FBXL17: variants seen among roughly 807,000 people sequenced by gnomAD.
FBXL17 encodes the protein F-box/LRR-repeat protein 17.
Under a neutral mutation model 66.2 loss-of-function variants are expected in FBXL17, and 22 were observed. The ratio of observed to expected loss-of-function variants is 0.33; its 90% CI spans 0.24 to 0.47. The LOEUF is 0.47. Ranked by LOEUF, FBXL17 falls within the 20% of genes least tolerant of loss-of-function variation. FBXL17 has a pLI of 1.00. For synonymous variants in FBXL17, 474 were observed against 400.5 expected (o/e 1.18, Z -2.19); for missense variants, 878 against 948.2 (o/e 0.93, Z 0.97).
At chr5:107,880,882 A>G (rs1424390836) in intron 8 of FBXL17, 155 bp downstream of exon 8, 2 of 1,421,970 alleles carry the variant, frequency 1.4e-6, no homozygotes, top group Admixed American at 5.4e-5. Context: ...AAAAGCAGGC[A>G]AACAATGCAT....
At chr5:107,961,116 A>G (rs1223046242) in intron 7 of FBXL17, among the ~76,000 whole-genome samples, 1 of 152,186 alleles carries the variant, frequency 6.6e-6, no homozygotes, top group Non-Finnish European at 1.5e-5. Context: ...GTCAGGTAGA[A>G]TAAGCAACAC....
chr5:108,086,972 GC>G (rs1361273257), intron 6 of FBXL17, among the ~76,000 whole-genome samples: 3 of 152,254 alleles, frequency 2.0e-5, no homozygotes, highest in Non-Finnish European at 4.4e-5. Flanking sequence ...CAGATGTGGG[GC>G]CTCAGTCACC....
intron 4 of FBXL17, 41 bp from the exon 5 acceptor site, chr5:108,224,269 C>T: frequency 8.4e-7 from 1 of 1,189,970 alleles, no homozygotes; most frequent in Non-Finnish European, 1.2e-6. Context: ...AGGTAATAGT[C>T]CAGTGAACTC....
At chr5:108,027,540 T>G (rs1484455761) in intron 6 of FBXL17, among the ~76,000 whole-genome samples, 1 of 152,182 alleles carries the variant, frequency 6.6e-6, no homozygotes, top group Non-Finnish European at 1.5e-5. Flanking sequence ...GAATGTTTCA[T>G]TGAGTGTAAA....
At chr5:108,048,457 C>T (rs557678611) in intron 6 of FBXL17, among the ~76,000 whole-genome samples, 19 of 152,146 alleles carry the variant, frequency 1.2e-4, no homozygotes, top group East Asian at 5.8e-4. Context: ...GAAGATGAGA[C>T]GGACAAACTG....
intron 7 of FBXL17, among the ~76,000 whole-genome samples, chr5:107,942,724 C>T (rs565822192): frequency 1.9e-4 from 29 of 151,286 alleles, no homozygotes; most frequent in African/African-American, 2.7e-4. Context: ...CTTATTTTAA[C>T]GATCTCCCAT....
At chr5:107,884,491 C>T (rs769803636) in intron 7 of FBXL17, among the ~76,000 whole-genome samples, 2 of 152,158 alleles carry the variant, frequency 1.3e-5, no homozygotes, top group Non-Finnish European at 2.9e-5. Flanking sequence ...ATGGTCAGAA[C>T]GGATTTCTCT....
At chr5:107,965,537 G>GA (rs1194312183) in intron 7 of FBXL17, among the ~76,000 whole-genome samples, 3 of 152,120 alleles carry the variant, frequency 2.0e-5, no homozygotes, top group Non-Finnish European at 2.9e-5. Flanking sequence ...CTGTAAAATA[G>GA]AAAATCCCAG....
chr5:108,270,609 C>G (rs1310838003), intron 4 of FBXL17, among the ~76,000 whole-genome samples: 2 of 150,332 alleles, frequency 1.3e-5, no homozygotes, highest in African/African-American at 4.9e-5. Flanking sequence ...TAGCCATAAA[C>G]TTTGAGGATA....
intron 6 of FBXL17, among the ~76,000 whole-genome samples, chr5:108,118,065 G>C (rs1320575264): frequency 6.6e-6 from 1 of 152,074 alleles, no homozygotes; most frequent in Non-Finnish European, 1.5e-5. Flanking sequence ...TAATGATATG[G>C]TATAGTTCTA....
At chr5:107,877,942 T>C (rs1748661839) in intron 8 of FBXL17, among the ~76,000 whole-genome samples, 1 of 152,182 alleles carries the variant, frequency 6.6e-6, no homozygotes. Flanking sequence ...GTTTCCTGTC[T>C]CTATTCTTAT....
intron 7 of FBXL17, among the ~76,000 whole-genome samples, chr5:107,963,349 C>CTGTG (rs141211295): frequency 7.9e-5 from 12 of 151,926 alleles, no homozygotes; most frequent in Non-Finnish European, 1.5e-4. Flanking sequence ...AAACAAAACT[C>CTGTG]TGTGTGTGTG....
chr5:108,198,258 C>A (rs761505861), intron 5 of FBXL17, among the ~76,000 whole-genome samples: 1 of 152,048 alleles, frequency 6.6e-6, no homozygotes, highest in African/African-American at 2.4e-5. Context: ...AATTTTAAGT[C>A]GTTTTTATGA....
intron 4 of FBXL17, among the ~76,000 whole-genome samples, chr5:108,332,941 C>CAAAAAAAAAAAAA (rs34218940): frequency 4.6e-3 from 161 of 34,642 alleles, no homozygotes; most frequent in Non-Finnish European, 5.2e-3. Context: ...AAAGCAAAAG[C>CAAAAAAAAAAAAA]AAAAAAAAAA....
intron 1 of FBXL17, 35 bp from the exon 2 acceptor site, chr5:108,367,988 T>C: frequency 6.6e-7 from 1 of 1,520,694 alleles, no homozygotes; most frequent in South Asian, 1.3e-5. Flanking sequence ...TAATATGTGC[T>C]AAACATTTTC....
At chr5:107,873,345 T>C (rs986090395) in intron 8 of FBXL17, among the ~76,000 whole-genome samples, 94 of 152,238 alleles carry the variant, frequency 6.2e-4, no homozygotes, top group Non-Finnish European at 1.8e-4. Context: ...TTCACTGTTT[T>C]TTCTGACCTA....
intron 2 of FBXL17, among the ~76,000 whole-genome samples, chr5:108,365,915 G>A (rs766959999): frequency 1.3e-5 from 2 of 151,908 alleles, no homozygotes; most frequent in African/African-American, 2.4e-5. Context: ...ATCCTTAGTG[G>A]GAAAATTCAA....
At chr5:108,105,245 C>T (rs1159485837) in intron 6 of FBXL17, among the ~76,000 whole-genome samples, 3 of 152,092 alleles carry the variant, frequency 2.0e-5, no homozygotes, top group Admixed American at 1.3e-4. Context: ...TTGGAGAAGG[C>T]GCAACTGAAG....
chr5:108,001,529 C>G (rs975046176), intron 7 of FBXL17, among the ~76,000 whole-genome samples: 2 of 151,542 alleles, frequency 1.3e-5, no homozygotes, highest in African/African-American at 4.8e-5. Context: ...GAGACAGAGT[C>G]GCACTCCATC....
Sources: gnomAD v4.1 joint callset for allele counts (sites outside exome capture counted in the v4.1 genomes callset) on GRCh38, gnomAD v4.1.1 for gene constraint, MANE v1.5 for transcripts, NCBI Gene and HGNC (gene_info 2026-07-23, HGNC 2026-07-21) for gene names.